ARHGAP17: variants seen among roughly 807,000 people sequenced by gnomAD.
The protein encoded by ARHGAP17 is rho GTPase-activating protein 17.
A neutral mutation model predicts 99.5 loss-of-function variants in ARHGAP17; 57 were observed. The observed-to-expected ratio is 0.57, with a 90% CI of 0.46 to 0.71. The LOEUF is 0.71. Ranked by LOEUF, ARHGAP17 falls within the 30% of genes least tolerant of loss-of-function variation. The pLI is 0.00. For synonymous variants in ARHGAP17, 417 were observed against 429.6 expected (o/e 0.97, Z 0.36); for missense variants, 1,000 against 1,122.4 (o/e 0.89, Z 1.56).
chr16:24,946,196 G>T (rs2051467371), intron 14 of ARHGAP17, among the ~76,000 whole-genome samples: 1 of 151,850 alleles, frequency 6.6e-6, no homozygotes, highest in Non-Finnish European at 1.5e-5. Context: ...TTCTGCTTAG[G>T]AACCTTAATG....
chr16:24,953,079 G>C (rs367967576), intron 10 of ARHGAP17, 37 bp from the exon 11 acceptor site: 2 of 1,593,422 alleles, frequency 1.3e-6, no homozygotes, highest in African/African-American at 2.7e-5. Flanking sequence ...TCAAGTGCAG[G>C]TTGGGACACT....
intron 19 of ARHGAP17, among the ~76,000 whole-genome samples, chr16:24,922,552 C>T (rs1238278284): frequency 6.6e-6 from 1 of 152,148 alleles, no homozygotes; most frequent in Non-Finnish European, 1.5e-5. Flanking sequence ...CTCTCTATTC[C>T]TACATGAATC....
intron 19 of ARHGAP17, chr16:24,920,468 G>A: frequency 1.9e-6 from 1 of 538,604 alleles, no homozygotes; most frequent in Non-Finnish European, 3.3e-6. Context: ...CCTTGCCTCT[G>A]GGCTCCGACG....
chr16:25,002,106 C>T (rs1326832582), intron 1 of ARHGAP17, among the ~76,000 whole-genome samples: 1 of 151,098 alleles, frequency 6.6e-6, no homozygotes, highest in Non-Finnish European at 1.5e-5. Flanking sequence ...TTGATGCAAA[C>T]ATATACACAC....
intron 4 of ARHGAP17, among the ~76,000 whole-genome samples, chr16:24,969,285 T>C (rs1424408504): frequency 1.3e-5 from 2 of 150,750 alleles, no homozygotes; most frequent in Admixed American, 1.3e-4. Context: ...CGTGCAGTGA[T>C]ATAACTCCAC....
At chr16:25,000,802 G>C (rs1266828109) in intron 1 of ARHGAP17, among the ~76,000 whole-genome samples, 2 of 152,154 alleles carry the variant, frequency 1.3e-5, no homozygotes, top group African/African-American at 4.8e-5. Flanking sequence ...CATTGCAATT[G>C]TTTTCTCCAT....
intron 19 of ARHGAP17, among the ~76,000 whole-genome samples, chr16:24,922,848 T>C: frequency 6.6e-6 from 1 of 151,848 alleles, no homozygotes; most frequent in Non-Finnish European, 1.5e-5. Context: ...GCTAATTTTT[T>C]TTATTTTTGG....
intron 4 of ARHGAP17, 29 bp downstream of exon 4, chr16:24,970,478 C>T (rs752088340): frequency 6.2e-7 from 1 of 1,608,294 alleles, no homozygotes; most frequent in Non-Finnish European, 8.5e-7. Flanking sequence ...CTACATGGCA[C>T]TTGGCACTCT....
chr16:24,938,179 T>C lies in ARHGAP17; in HGVS notation c.1724+1185A>G, dbSNP rs150553088. Reference sequence around the variant, plus strand: ...GAGTTTGAGACCAGCCTGACCAACATGGCGAAACCCTGTCTTTACTAAAAA... The same window carrying C: ...GAGTTTGAGACCAGCCTGACCAACACGGCGAAACCCTGTCTTTACTAAAAA... On this transcript the variant is annotated intron_variant, in intron 17 of 19. Coordinates refer to ENST00000289968, the MANE Select transcript of ARHGAP17 (RefSeq NM_001006634.3). Among the ~76,000 whole-genome samples, 163 of 152,262 alleles carry C rather than the reference T, an allele frequency of 1.1e-3. 1 individual carries two copies. The highest frequency in any genetic ancestry group is 1.7e-3 in the Non-Finnish European group (113 of 68,020).
chr16:25,014,241 G>A (rs534972045), intron 1 of ARHGAP17, among the ~76,000 whole-genome samples: 16 of 152,338 alleles, frequency 1.1e-4, no homozygotes, highest in African/African-American at 3.8e-4. Context: ...GAAGAGCTGT[G>A]AGAAATTCAT....
chr16:24,999,275 T>C (rs2053290949), intron 1 of ARHGAP17, among the ~76,000 whole-genome samples: 1 of 152,218 alleles, frequency 6.6e-6, no homozygotes, highest in Non-Finnish European at 1.5e-5. Context: ...GCTTTATACA[T>C]TCAGTATATT....
rs1815751853 is a variant in ARHGAP17 at position 24,920,046 on chromosome 16, G to A, written c.*84C>T. 6.4e-7 allele frequency: 1 copy of A among 1,553,530 alleles called. No homozygotes were observed. Among genetic ancestry groups the A allele is most frequent in the African/African-American group, 1.4e-5 (1 of 73,442 alleles). Reference sequence around the variant, plus strand: ...TGTCCTCCACTGAAAGCTTTTCACTGTTCGGTCTGCAAAGAAAGAGGTTCG... The same window carrying A: ...TGTCCTCCACTGAAAGCTTTTCACTATTCGGTCTGCAAAGAAAGAGGTTCG... On this transcript the variant is annotated 3_prime_UTR_variant, in exon 20 of 20. Coordinates refer to ENST00000289968, the MANE Select transcript of ARHGAP17 (RefSeq NM_001006634.3).
Position 24,941,984 on chromosome 16 carries a change from T to C in ARHGAP17, c.1490+3A>G. The C allele has an allele frequency of 3.7e-6, 6 of 1,613,952 alleles. No individual in the cohort carries two copies. Among genetic ancestry groups the C allele is most frequent in the Non-Finnish European group, 3.4e-6 (4 of 1,179,884 alleles). ...GGTTTGGAAGTGAACGGTCAAATCA[T>C]ACCTTTCCTTCTTCACCAAGTCTCC... is the stretch of plus-strand genomic sequence containing the variant. On this transcript the variant is annotated splice_donor_region_variant and intron_variant, in intron 16 of 19. Transcript: ENST00000289968.
chr16:24,988,854 T>C (rs528788901), intron 1 of ARHGAP17, among the ~76,000 whole-genome samples: 12 of 152,318 alleles, frequency 7.9e-5, no homozygotes, highest in Non-Finnish European at 1.6e-4. Context: ...CAACGGCCTC[T>C]CAGGCATTCC....
At chr16:24,967,554 G>A (rs2052224901) in intron 6 of ARHGAP17, among the ~76,000 whole-genome samples, 1 of 152,166 alleles carries the variant, frequency 6.6e-6, no homozygotes. Context: ...GCTCATGGCT[G>A]TAATCCCAGC....
chr16:24,924,119 C>T (rs939023432), intron 19 of ARHGAP17, among the ~76,000 whole-genome samples: 1 of 152,170 alleles, frequency 6.6e-6, no homozygotes, highest in Non-Finnish European at 1.5e-5. Flanking sequence ...CCCCTCTCCA[C>T]CACCCATCCC....
At chr16:24,954,954 T>C (rs2051762497) in intron 9 of ARHGAP17, 1 of 520,590 alleles carries the variant, frequency 1.9e-6, no homozygotes, top group Non-Finnish European at 3.3e-6. Flanking sequence ...TGAGCGTACC[T>C]AGATGGCACC....
In ARHGAP17 at chr16:24,995,947, C is replaced by G. The variant is rs141175789; in HGVS notation, c.54-16942G>C. Among the ~76,000 whole-genome samples the G allele has an allele frequency of 4.6e-3, 706 of 152,206 alleles. 10 individuals are homozygous for G. Among genetic ancestry groups the G allele is most frequent in the African/African-American group, 0.016 (672 of 41,508 alleles). ...TTTGCTATGTGGTCCAGGTTCACTT[C>G]AAACTCTTGGGCTCAAGCAATCCTC... On this transcript the variant is annotated intron_variant, in intron 1 of 19. Transcript: ENST00000289968.
At chr16:24,957,854 C>T (rs1440873386) in intron 9 of ARHGAP17, among the ~76,000 whole-genome samples, 2 of 152,192 alleles carry the variant, frequency 1.3e-5, no homozygotes, top group Non-Finnish European at 2.9e-5. Flanking sequence ...TTACCACCAA[C>T]TGACCATGAA....
Sources: gnomAD v4.1 joint callset for allele counts (sites outside exome capture counted in the v4.1 genomes callset) on GRCh38, gnomAD v4.1.1 for gene constraint, MANE v1.5 for transcripts, NCBI Gene and HGNC (gene_info 2026-07-23, HGNC 2026-07-21) for gene names.